CPQ: variants seen among roughly 807,000 people sequenced by gnomAD.
CPQ encodes the protein carboxypeptidase Q, also known as Ser-Met dipeptidase.
A neutral mutation model predicts 45.7 loss-of-function variants in CPQ; 37 were observed. That is an observed-to-expected ratio of 0.81 (90% CI 0.62 to 1.07). CPQ has a LOEUF of 1.07. CPQ is among the 50% of genes least tolerant of loss of function. The pLI is 0.00. For synonymous variants in CPQ, 186 were observed against 205.8 expected (o/e 0.90, Z 0.82); for missense variants, 537 against 572.9 (o/e 0.94, Z 0.64).
At chr8:96,718,462 C>T (rs1041230833) in intron 1 of CPQ, among the ~76,000 whole-genome samples, 18 of 152,068 alleles carry the variant, frequency 1.2e-4, no homozygotes, top group African/African-American at 4.3e-4. Flanking sequence ...GTTGTTCGTT[C>T]CCCCCAGTGG....
intron 4 of CPQ, among the ~76,000 whole-genome samples, chr8:96,891,357 C>T (rs1450226097): frequency 6.6e-6 from 1 of 152,184 alleles, no homozygotes; most frequent in Non-Finnish European, 1.5e-5. Context: ...GGCTGATCTC[C>T]CTGAGGAATG....
chr8:97,050,393 T>C (rs1374623946), intron 6 of CPQ, among the ~76,000 whole-genome samples: 1 of 152,178 alleles, frequency 6.6e-6, no homozygotes, highest in Non-Finnish European at 1.5e-5. Context: ...TACAATACAA[T>C]GAATATGTTT....
chr8:96,742,896 G>A (rs1214085404), intron 1 of CPQ, among the ~76,000 whole-genome samples: 1 of 151,930 alleles, frequency 6.6e-6, no homozygotes, highest in Non-Finnish European at 1.5e-5. Context: ...TTTCTCTCTG[G>A]CTGCCCTTAA....
intron 1 of CPQ, among the ~76,000 whole-genome samples, chr8:96,724,068 A>T (rs186023363): frequency 2.2e-4 from 33 of 152,022 alleles, no homozygotes; most frequent in Admixed American, 1.3e-3. Flanking sequence ...ACTAATCATC[A>T]TTCTGGACCC....
chr8:96,810,082 G>A (rs187629977), intron 2 of CPQ, among the ~76,000 whole-genome samples: 152 of 152,112 alleles, frequency 1.0e-3, no homozygotes, highest in Non-Finnish European at 9.7e-4. Context: ...CACTCATTTG[G>A]TTAACTCTTA....
chr8:96,765,025 T>C (rs1200368473), intron 1 of CPQ, among the ~76,000 whole-genome samples: 2 of 152,220 alleles, frequency 1.3e-5, no homozygotes, highest in Non-Finnish European at 2.9e-5. Context: ...TGTACCTAAA[T>C]TGTTTGGAAC....
intron 3 of CPQ, among the ~76,000 whole-genome samples, chr8:96,848,793 T>C (rs1811732899): frequency 6.6e-6 from 1 of 152,216 alleles, no homozygotes. Context: ...TGAACATCAT[T>C]CCATTTAGTT....
intron 6 of CPQ, among the ~76,000 whole-genome samples, chr8:97,044,550 G>A (rs555834383): frequency 1.6e-4 from 24 of 152,322 alleles, no homozygotes; most frequent in African/African-American, 5.5e-4. Flanking sequence ...TTTGGAGGAC[G>A]AGAGGTGCTT....
At chr8:97,078,763 T>TTCTCTCTCTCTCTCTCTCTCTCTCTC (rs749278181) in intron 7 of CPQ, among the ~76,000 whole-genome samples, 3 of 100,364 alleles carry the variant, frequency 3.0e-5, no homozygotes, top group South Asian at 8.3e-4. Context: ...TCATTTCCAT[T>TTCTCTCTCTCTCTCTCTCTCTCTCTC]TCTCTCTCTC....
chr8:97,129,247 TCTCA>T (rs1330381291), intron 7 of CPQ, among the ~76,000 whole-genome samples: 1 of 152,162 alleles, frequency 6.6e-6, no homozygotes, highest in Non-Finnish European at 1.5e-5. Flanking sequence ...AGAATTGCCC[TCTCA>T]CTCCACTCTG....
At chr8:96,951,445 C>A (rs1289913827) in intron 4 of CPQ, among the ~76,000 whole-genome samples, 1 of 152,050 alleles carries the variant, frequency 6.6e-6, no homozygotes, top group African/African-American at 2.4e-5. Flanking sequence ...CAAAACTAGC[C>A]CCTGGTGCAT....
At chr8:96,706,425 G>A (rs543618582) in intron 1 of CPQ, among the ~76,000 whole-genome samples, 41 of 152,226 alleles carry the variant, frequency 2.7e-4, no homozygotes, top group African/African-American at 8.4e-4. Flanking sequence ...GGCTGGAGAA[G>A]AGTGCAGTTA....
At chr8:96,682,960 G>A (rs1375006139) in intron 1 of CPQ, among the ~76,000 whole-genome samples, 6 of 152,064 alleles carry the variant, frequency 3.9e-5, no homozygotes, top group Non-Finnish European at 8.8e-5. Context: ...ATTGATAAAT[G>A]AGGAAATATT....
chr8:96,649,927 G>A (rs1238736115), intron 1 of CPQ, among the ~76,000 whole-genome samples: 3 of 152,204 alleles, frequency 2.0e-5, no homozygotes, highest in African/African-American at 7.2e-5. Context: ...AAGCTGCCAG[G>A]AGAAACTGAA....
intron 7 of CPQ, among the ~76,000 whole-genome samples, chr8:97,083,655 A>G (rs1049628621): frequency 6.6e-6 from 1 of 152,182 alleles, no homozygotes; most frequent in African/African-American, 2.4e-5. Flanking sequence ...GCCAAAGTAA[A>G]TTGATTGATT....
At chr8:96,912,106 C>T (rs1041247187) in intron 4 of CPQ, among the ~76,000 whole-genome samples, 5 of 152,160 alleles carry the variant, frequency 3.3e-5, no homozygotes, top group Non-Finnish European at 7.3e-5. Flanking sequence ...CCCCCCAGAA[C>T]CAGATGAATG....
intron 7 of CPQ, among the ~76,000 whole-genome samples, chr8:97,112,015 C>T (rs1811505349): frequency 1.3e-5 from 2 of 152,092 alleles, no homozygotes; most frequent in Non-Finnish European, 2.9e-5. Flanking sequence ...GCTGGAGAAC[C>T]AAGGAATACC....
chr8:96,711,699 A>G (rs1809610079), intron 1 of CPQ, among the ~76,000 whole-genome samples: 1 of 152,154 alleles, frequency 6.6e-6, no homozygotes, highest in African/African-American at 2.4e-5. Flanking sequence ...TGCCCCCATG[A>G]TTCAATTACT....
chr8:97,128,711 A>G (rs1357571941), intron 7 of CPQ, among the ~76,000 whole-genome samples: 1 of 152,092 alleles, frequency 6.6e-6, no homozygotes, highest in Non-Finnish European at 1.5e-5. Context: ...AAACAGAAAA[A>G]ACTTTCTCCT....
Sources: gnomAD v4.1 joint callset for allele counts (sites outside exome capture counted in the v4.1 genomes callset) on GRCh38, gnomAD v4.1.1 for gene constraint, MANE v1.5 for transcripts, NCBI Gene and HGNC (gene_info 2026-07-23, HGNC 2026-07-21) for gene names.